The following ENDOU variants were observed in gnomAD, a reference collection of about 807,000 sequenced individuals.
The protein encoded by ENDOU is uridylate-specific endoribonuclease.
A neutral mutation model predicts 54.2 loss-of-function variants in ENDOU; 49 were observed. That is an observed-to-expected ratio of 0.90 (90% confidence interval 0.72 to 1.15). ENDOU has a LOEUF of 1.15. Ranked by LOEUF, ENDOU falls within the 50% of genes most tolerant of loss-of-function variation. The pLI, the probability that ENDOU is intolerant of heterozygous loss-of-function variation, is 0.00. For synonymous variants in ENDOU, 172 were observed against 190.5 expected, an observed-to-expected ratio of 0.90 and a Z score of 0.80; for missense variants, 458 against 511.4, an observed-to-expected ratio of 0.90 and a Z score of 1.01.
intron 1 of ENDOU, among the ~76,000 whole-genome samples, chr12:47,721,574 T>G (rs1314743526): frequency 1.3e-5 from 2 of 152,214 alleles, no homozygotes; most frequent in Non-Finnish European, 2.9e-5. Context: ...TTCCCGTCTT[T>G]GGAGTACATT....
intron 4 of ENDOU, 120 bp downstream of exon 4, chr12:47,717,398 T>A (rs1940286262): frequency 3.5e-6 from 4 of 1,132,894 alleles, no homozygotes; most frequent in Non-Finnish European, 3.8e-6. Context: ...AGCCCCAGAG[T>A]TTGTGTTTCT....
In ENDOU at chr12:47,717,600, C is replaced by G; in HGVS notation, c.300G>C (p.Lys100Asn). The change falls in exon 4 of 10, where the codon AAG becomes AAC. Residue 100 changes from lysine (K) to asparagine (N), a missense_variant. Lys to Asn is a moderately conservative substitution (Grantham distance 94). Coordinates refer to ENST00000422538, the MANE Select transcript of ENDOU (RefSeq NM_001172439.2). ...CQGRCYEAFD[K>N]HHQCHCNARC... is the part of the protein sequence containing the mutation. Reference sequence around the variant, plus strand: ...GGGCATTGCAGTGACATTGGTGGTGCTTGTCAAAGGCTTCGTAGCAGCGGC... The same window carrying G: ...GGGCATTGCAGTGACATTGGTGGTGGTTGTCAAAGGCTTCGTAGCAGCGGC... 1 of 1,614,140 alleles carries G rather than the reference C, an allele frequency of 6.2e-7. No individual in the cohort carries two copies. Among genetic ancestry groups the G allele is most frequent in the Non-Finnish European group, 8.5e-7 (1 of 1,180,028 alleles).
rs569013403 is a variant in ENDOU at position 47,716,376 on chromosome 12, G to C, written c.675C>G (p.Ala225=). 3 of 1,614,088 alleles carry C rather than the reference G, an allele frequency of 1.9e-6. No individual in the cohort carries two copies. Among genetic ancestry groups the C allele is most frequent in the Non-Finnish European group, 2.5e-6 (3 of 1,180,010 alleles). The part of the protein sequence containing the change: ...HGEHFSAQEL[A]EQDAFLREIM... Reference sequence around the variant, plus strand: ...TCTCTCTGAGGAAGGCGTCCTGCTCGGCCAGCTCCTGGGCACTGAAGTGCT... The same window carrying C: ...TCTCTCTGAGGAAGGCGTCCTGCTCCGCCAGCTCCTGGGCACTGAAGTGCT... Residue 225 remains alanine, a synonymous_variant, in exon 6 of 10, where the codon GCC becomes GCG. Coordinates refer to ENST00000422538, the MANE Select transcript of ENDOU (RefSeq NM_001172439.2).
Position 47,716,567 on chromosome 12 carries a change from C to G in ENDOU, c.552-68G>C, listed in dbSNP as rs920368768. The G allele has an allele frequency of 5.4e-6, 8 of 1,469,340 alleles. No individual in the cohort carries two copies. In the Admixed American group the frequency reaches 1.5e-4, roughly 27 times the overall value. 91.0% of individuals were successfully genotyped at this position (1,469,340 alleles called of 1,614,324 possible). The stretch of plus-strand genomic sequence containing the variant: ...AGGGCAGCGACCCCTCCAGAGACTT[C>G]TAGACAGGCCAGGGGCAGACAGGCG... On this transcript the variant is annotated intron_variant, in intron 5 of 9. Coordinates refer to ENST00000422538, the MANE Select transcript of ENDOU (RefSeq NM_001172439.2).
At chr12:47,713,752 G>GC (rs397939678) in intron 6 of ENDOU, among the ~76,000 whole-genome samples, 2 of 134,420 alleles carry the variant, frequency 1.5e-5, no homozygotes, top group African/African-American at 5.6e-5. Flanking sequence ...GGGGGGGGGG[G>GC]TCTTCTAGAA....
At chr12:47,711,503 G>T in intron 9 of ENDOU, 130 bp downstream of exon 9, 1 of 1,091,284 alleles carries the variant, frequency 9.2e-7, no homozygotes, top group Non-Finnish European at 1.3e-6. Context: ...GAGAACTGAG[G>T]CCCAAAGCAC....
At chr12:47,723,459 G>T (rs1409052193) in intron 1 of ENDOU, among the ~76,000 whole-genome samples, 2 of 152,158 alleles carry the variant, frequency 1.3e-5, no homozygotes, top group South Asian at 2.1e-4. Flanking sequence ...CCCAAGCCAG[G>T]TGCCTGAATC....
Position 47,716,870 on chromosome 12 carries a change from G to A in ENDOU, c.551+20C>T. ...AGGGGCAAGATTTAGGGGGTAGAAA[G>A]AGGAATTGTGGGAACTCACGGCTTT... On this transcript the variant is annotated intron_variant, in intron 5 of 9. Transcript: ENST00000422538. The A allele has an allele frequency of 1.2e-6, 2 of 1,613,320 alleles. No individual in the cohort carries two copies. The highest frequency in any genetic ancestry group is 1.7e-6 in the Non-Finnish European group (2 of 1,179,600).
At position 47,720,887 on chromosome 12, in the gene ENDOU, A is replaced by G. The variant is rs1353429168; in HGVS notation, c.56-12T>C. ...GGATTCTATTTTTCCTATGGGCAGT[A>G]AAGGTCACCAACTCAGCTCTATGGA... is the stretch of plus-strand genomic sequence containing the variant. On this transcript the variant is annotated splice_polypyrimidine_tract_variant and intron_variant, in intron 1 of 9. Coordinates refer to ENST00000422538, the MANE Select transcript of ENDOU (RefSeq NM_001172439.2). 4 of 1,535,946 alleles carry G rather than the reference A, an allele frequency of 2.6e-6. No homozygotes were observed. The highest frequency in any genetic ancestry group is 2.4e-5 in the South Asian group (2 of 84,056).
chr12:47,718,880 C>G (rs1940346331), intron 2 of ENDOU, among the ~76,000 whole-genome samples: 1 of 152,100 alleles, frequency 6.6e-6, no homozygotes, highest in Non-Finnish European at 1.5e-5. Flanking sequence ...CCCCCACCAG[C>G]ACCCCCTCCA....
intron 1 of ENDOU, among the ~76,000 whole-genome samples, chr12:47,723,167 C>T (rs1440265344): frequency 1.3e-5 from 2 of 152,220 alleles, no homozygotes; most frequent in African/African-American, 4.8e-5. Context: ...AGAGCACCCC[C>T]GCCGGCCCAA....
chr12:47,717,082 G>A (rs781590609), intron 4 of ENDOU, 24 bp from the exon 5 acceptor site: 1 of 1,611,770 alleles, frequency 6.2e-7, no homozygotes, highest in South Asian at 1.1e-5. Flanking sequence ...GAAGAGGGGT[G>A]GCCTCAGAGC....
chr12:47,724,115 C>A (rs546054913), intron 1 of ENDOU, among the ~76,000 whole-genome samples: 1 of 152,206 alleles, frequency 6.6e-6, no homozygotes, highest in African/African-American at 2.4e-5. Flanking sequence ...CCTCTGCCCC[C>A]CAGGGACCAA....
At chr12:47,718,800 G>C (rs2136683141) in intron 2 of ENDOU, among the ~76,000 whole-genome samples, 1 of 152,134 alleles carries the variant, frequency 6.6e-6, no homozygotes, top group Non-Finnish European at 1.5e-5. Context: ...TTTGAGGTTG[G>C]GGGTGATGCA....
At chr12:47,719,023 G>C (rs115582754) in intron 2 of ENDOU, 1 of 152,228 alleles carries the variant, frequency 6.6e-6, no homozygotes, top group Non-Finnish European at 1.5e-5. Flanking sequence ...CTTACTATGT[G>C]TCAGGTTGTG....
chr12:47,717,497 C>T (rs764894460), intron 4 of ENDOU, 21 bp downstream of exon 4: 21 of 1,612,420 alleles, frequency 1.3e-5, no homozygotes, highest in Non-Finnish European at 1.8e-5. Context: ...TGCAGCTTAG[C>T]TAAGGGAGCA....
At chr12:47,715,929 G>A (rs988668871) in intron 6 of ENDOU, among the ~76,000 whole-genome samples, 1 of 152,132 alleles carries the variant, frequency 6.6e-6, no homozygotes, top group African/African-American at 2.4e-5. Context: ...CTGAAACATG[G>A]TGCTGACTCC....
rs139152598 is a variant in ENDOU at position 47,718,466 on chromosome 12, C to T, written c.179-272G>A. 2.2e-4 allele frequency among the ~76,000 whole-genome samples: 33 copies of T among 152,258 alleles called. No individual in the cohort carries two copies. In the East Asian group the frequency reaches 4.8e-3, roughly 22 times the overall value. On this transcript the variant is annotated intron_variant, in intron 2 of 9. Coordinates refer to ENST00000422538, the MANE Select transcript of ENDOU (RefSeq NM_001172439.2). ...ACATCTGGATTGAAAACTCTGACTTCGGTGATGAAAACTCTGATTTAACAA... is the reference window on the plus strand; with the variant it reads ...ACATCTGGATTGAAAACTCTGACTTTGGTGATGAAAACTCTGATTTAACAA...
rs865806204 is a variant in ENDOU at position 47,718,147 on chromosome 12, C to A, written c.226G>T (p.Glu76Ter). 6.3e-7 allele frequency: 1 copy of A among 1,578,946 alleles called. No homozygotes were observed. Among genetic ancestry groups the A allele is most frequent in the South Asian group, 1.2e-5 (1 of 86,276 alleles). The change falls in exon 3 of 10, where the codon GAA becomes TAA. Residue 76 changes from glutamate (E) to a stop codon, truncating the protein, a stop_gained. Transcript: ENST00000422538. LOFTEE classifies it high-confidence loss of function. ...EPLPQLEEET[E>*]EALASNLYSA... Reference sequence around the variant, plus strand: ...GGCTCACTGCTGGCGAGGGCCTCTTCTGTCTCTTCCTCCAGCTGTGGCAAT... The same window carrying A: ...GGCTCACTGCTGGCGAGGGCCTCTTATGTCTCTTCCTCCAGCTGTGGCAAT...
Sources: allele counts gnomAD v4.1 joint callset (sites outside exome capture counted in the v4.1 genomes callset), GRCh38; gene constraint gnomAD v4.1.1; transcripts MANE v1.5; gene names NCBI Gene and HGNC (gene_info 2026-07-23, HGNC 2026-07-21).